ZNF169: variants seen among roughly 807,000 people sequenced by gnomAD.
ZNF169 encodes the protein zinc finger protein 169.
Under a neutral mutation model 12.0 loss-of-function variants are expected in ZNF169, and 11 were observed. The observed-to-expected ratio is 0.92, with a 90% CI of 0.58 to 1.52. ZNF169 has a LOEUF of 1.52. Among genes scored for constraint, ZNF169 ranks in the 40% most tolerant of loss-of-function variants. The pLI is 0.00. For missense variants in ZNF169, 722 were observed against 744.0 expected, an observed-to-expected ratio of 0.97 and a Z score of 0.34; for synonymous variants, 302 against 286.5, an observed-to-expected ratio of 1.05 and a Z score of -0.55.
intron 1 of ZNF169, among the ~76,000 whole-genome samples, chr9:94,268,553 G>T (rs932797697): frequency 2.6e-5 from 4 of 151,976 alleles, no homozygotes; most frequent in African/African-American, 7.3e-5. Flanking sequence ...ACTTTGGGAG[G>T]CTGAGGCAGG....
At chr9:94,292,842 A>G (rs1360820460) in intron 3 of ZNF169, 132 bp from the exon 4 acceptor site, 3 of 716,564 alleles carry the variant, frequency 4.2e-6, no homozygotes, top group African/African-American at 1.8e-5. Context: ...GCATTCAGAC[A>G]TAGTTTACTC....
intron 4 of ZNF169, 194 bp from the exon 5 acceptor site, chr9:94,299,621 T>A: frequency 1.4e-6 from 2 of 1,384,124 alleles, no homozygotes; most frequent in East Asian, 5.2e-5. Flanking sequence ...CCTGTGATGC[T>A]TTTTTGAACC....
intron 4 of ZNF169, chr9:94,293,705 G>A (rs1388714716): frequency 6.5e-6 from 1 of 152,918 alleles, no homozygotes; most frequent in Non-Finnish European, 1.5e-5. Flanking sequence ...ACAGGCGTGA[G>A]CCACCACGCC....
At chr9:94,271,297 A>G (rs376795762) in intron 1 of ZNF169, among the ~76,000 whole-genome samples, 1 of 151,360 alleles carries the variant, frequency 6.6e-6, no homozygotes, top group East Asian at 2.0e-4. Context: ...GGGTTTTACC[A>G]TGTTGCCCAG....
Position 94,300,362 on chromosome 9 carries a change from G to A in ZNF169, c.804G>A (p.Gly268=). 1.2e-6 allele frequency: 2 copies of A among 1,614,082 alleles called. No individual in the cohort carries two copies. Among genetic ancestry groups the A allele is most frequent in the Non-Finnish European group, 1.7e-6 (2 of 1,180,000 alleles). Residue 268 remains glycine (G), a synonymous_variant, in exon 5 of 5, where the codon GGG becomes GGA. Coordinates refer to ENST00000395395, the MANE Select transcript of ZNF169 (RefSeq NM_194320.4). The stretch of plus-strand genomic sequence containing the variant: ...AGCCATACCTGTGTCCTGAGTGTGG[G>A]CGTCGGTTTAGCCAGAAGGCCTCCC... ...GEKPYLCPEC[G]RRFSQKASLS...
intron 4 of ZNF169, chr9:94,293,412 T>TTATTTA (rs1209085705): frequency 1.7e-6 from 1 of 584,920 alleles, no homozygotes; most frequent in Non-Finnish European, 3.0e-6. Flanking sequence ...CCCTGGTTTT[T>TTATTTA]TATTTTTATT....
intron 4 of ZNF169, among the ~76,000 whole-genome samples, chr9:94,298,321 A>G (rs1830989942): frequency 6.6e-6 from 1 of 152,220 alleles, no homozygotes; most frequent in Non-Finnish European, 1.5e-5. Context: ...TATTCACTAC[A>G]GCAAACAATT....
intron 4 of ZNF169, among the ~76,000 whole-genome samples, chr9:94,298,595 G>C (rs1056795969): frequency 4.0e-5 from 6 of 151,776 alleles, no homozygotes; most frequent in African/African-American, 1.5e-4. Flanking sequence ...AACTTAGCCG[G>C]GCATGGTGGT....
chr9:94,292,653 G>GT (rs1830869216), intron 3 of ZNF169, 186 bp downstream of exon 3: 3 of 770,660 alleles, frequency 3.9e-6, no homozygotes, highest in East Asian at 2.7e-5. Flanking sequence ...GCGTGCACAT[G>GT]CTGTGAGCGT....
chr9:94,292,299 A>C (rs200449182), intron 2 of ZNF169, 42 bp from the exon 3 acceptor site: 1 of 1,613,566 alleles, frequency 6.2e-7, no homozygotes, highest in Admixed American at 1.7e-5. Flanking sequence ...GTTAGTGGGC[A>C]TGGCTGGCTG....
intron 1 of ZNF169, among the ~76,000 whole-genome samples, chr9:94,276,062 C>T (rs563636982): frequency 1.8e-4 from 28 of 152,296 alleles, no homozygotes; most frequent in African/African-American, 6.5e-4. Context: ...CAGGCGTGAG[C>T]CACCACACCT....
At chr9:94,298,318 T>G (rs1830989854) in intron 4 of ZNF169, among the ~76,000 whole-genome samples, 1 of 152,224 alleles carries the variant, frequency 6.6e-6, no homozygotes, top group African/African-American at 2.4e-5. Flanking sequence ...GCTTATTCAC[T>G]ACAGCAAACA....
At chr9:94,282,060 A>C (rs1037134146) in intron 2 of ZNF169, among the ~76,000 whole-genome samples, 5 of 152,230 alleles carry the variant, frequency 3.3e-5, no homozygotes, top group African/African-American at 1.2e-4. Flanking sequence ...GAGACTTTGC[A>C]GAGCAATTTT....
chr9:94,271,049 AAT>A (rs138459565), intron 1 of ZNF169, among the ~76,000 whole-genome samples: 40,443 of 109,260 alleles, frequency 0.37, 9,795 homozygotes, highest in Middle Eastern at 0.45. Context: ...TATATATATA[AAT>A]ATATATATAT....
rs372175009 is a variant in ZNF169, at chr9:94,301,181, C to G, written c.1623C>G (p.Pro541=). 5 of 1,614,174 alleles carry G rather than the reference C, an allele frequency of 3.1e-6. No homozygotes were observed. The highest frequency in any genetic ancestry group is 3.4e-6 in the Non-Finnish European group (4 of 1,180,032). Residue 541 remains proline, a synonymous_variant, in exon 5 of 5, where the codon CCC becomes CCG. Transcript: ENST00000395395. ...AAAGGACACACTCAGGAGAGAAGCC[C>G]TGCATTTGCGATGAATGTGGGCGCG... ...SDQRTHSGEK[P]CICDECGRGF... is the part of the protein sequence containing the mutation.
At chr9:94,299,600 A>T (rs1251853204) in intron 4 of ZNF169, 3 of 1,380,522 alleles carry the variant, frequency 2.2e-6, no homozygotes, top group Non-Finnish European at 9.3e-7. Context: ...CAATTTATAG[A>T]GCTGAAGCTG....
At chr9:94,266,514 T>C (rs1471195596) in intron 1 of ZNF169, among the ~76,000 whole-genome samples, 2 of 152,190 alleles carry the variant, frequency 1.3e-5, no homozygotes, top group Non-Finnish European at 2.9e-5. Flanking sequence ...CAGCAACACA[T>C]ATAAATAGGT....
At chr9:94,281,753 C>A (rs36083433) in intron 2 of ZNF169, among the ~76,000 whole-genome samples, 11,538 of 152,062 alleles carry the variant, frequency 0.076, 605 homozygotes, top group Middle Eastern at 0.13. Context: ...GCAGGGGCTC[C>A]GAGGCTATAG....
At chr9:94,297,589 G>A (rs1441619887) in intron 4 of ZNF169, among the ~76,000 whole-genome samples, 3 of 152,150 alleles carry the variant, frequency 2.0e-5, no homozygotes, top group African/African-American at 4.8e-5. Flanking sequence ...TTGCAGATAT[G>A]ATCTTACTGA....
Sources: allele counts gnomAD v4.1 joint callset (sites outside exome capture counted in the v4.1 genomes callset), GRCh38; gene constraint gnomAD v4.1.1; transcripts MANE v1.5; gene names NCBI Gene and HGNC (gene_info 2026-07-23, HGNC 2026-07-21).